PTPN13: variants seen among roughly 807,000 people sequenced by gnomAD.
PTPN13 encodes protein tyrosine phosphatase non-receptor type 13.
Under a neutral mutation model 284.0 loss-of-function variants are expected in PTPN13, and 191 were observed. The ratio of observed to expected loss-of-function variants is 0.67; its 90% CI spans 0.60 to 0.76. The LOEUF is 0.76. Ranked by LOEUF, PTPN13 falls within the 30% of genes least tolerant of loss-of-function variation. The pLI is 0.00. For missense variants in PTPN13, 2,797 were observed against 2,939.9 expected, an observed-to-expected ratio of 0.95 and a Z score of 1.12; for synonymous variants, 986 against 1,022.3, an observed-to-expected ratio of 0.96 and a Z score of 0.68.
At chr4:86,614,115 G>T (rs949650292) in intron 1 of PTPN13, among the ~76,000 whole-genome samples, 1 of 152,004 alleles carries the variant, frequency 6.6e-6, no homozygotes, top group South Asian at 2.1e-4. Context: ...AAATACAATC[G>T]AATTTATTAG....
At chr4:86,745,974 G>T (rs532088487) in intron 17 of PTPN13, among the ~76,000 whole-genome samples, 1 of 152,090 alleles carries the variant, frequency 6.6e-6, no homozygotes, top group African/African-American at 2.4e-5. Context: ...AGGAAACAAG[G>T]CAGAGGATGG....
intron 7 of PTPN13, among the ~76,000 whole-genome samples, chr4:86,713,965 A>G (rs535486715): frequency 1.3e-5 from 2 of 151,958 alleles, no homozygotes; most frequent in Non-Finnish European, 2.9e-5. Context: ...AGGTTTGCAG[A>G]CTAGCAAAAA....
intron 10 of PTPN13, among the ~76,000 whole-genome samples, chr4:86,724,652 G>A (rs1396904216): frequency 6.6e-6 from 1 of 152,134 alleles, no homozygotes; most frequent in African/African-American, 2.4e-5. Context: ...GCTGAAAAGG[G>A]TAATGGGGTT....
At chr4:86,678,766 G>A (rs576155019) in intron 3 of PTPN13, among the ~76,000 whole-genome samples, 19 of 151,980 alleles carry the variant, frequency 1.3e-4, no homozygotes, top group Admixed American at 5.2e-4. Context: ...TAAATCTTAC[G>A]GTTAATTTCT....
chr4:86,684,040 T>C (rs983366570), intron 3 of PTPN13, among the ~76,000 whole-genome samples: 8 of 151,876 alleles, frequency 5.3e-5, no homozygotes, highest in Non-Finnish European at 4.4e-5. Flanking sequence ...AACAGACATG[T>C]ATTGAATATC....
chr4:86,751,710 T>G (rs1737407284), intron 19 of PTPN13, among the ~76,000 whole-genome samples: 1 of 152,160 alleles, frequency 6.6e-6, no homozygotes. Flanking sequence ...GCTTTTCCTT[T>G]CAAGCCGATG....
Position 86,689,189 on chromosome 4 carries a change from G to C in PTPN13, c.545G>C (p.Gly182Ala). ...LVKLVLGNLS[G>A]TDQLSCNSEQ... Reference sequence around the variant, plus strand: ...AAACTGGTTCTGGGAAATCTTTCTGGGGTAAGCTACAGTTACAATAGTAAA... The same window carrying C: ...AAACTGGTTCTGGGAAATCTTTCTGCGGTAAGCTACAGTTACAATAGTAAA... Residue 182 changes from glycine (G) to alanine (A), a missense_variant and splice_region_variant, in exon 5 of 48, where the codon GGG becomes GCG. Coordinates refer to ENST00000411767, the MANE Select transcript of PTPN13 (RefSeq NM_080683.3). The C allele has an allele frequency of 6.2e-7, 1 of 1,609,776 alleles. No homozygotes were observed. Among genetic ancestry groups the C allele is most frequent in the South Asian group, 1.1e-5 (1 of 90,896 alleles).
chr4:86,653,876 G>A (rs985679249), intron 2 of PTPN13, among the ~76,000 whole-genome samples: 2 of 152,144 alleles, frequency 1.3e-5, no homozygotes, highest in African/African-American at 2.4e-5. Context: ...AACATCTGTG[G>A]TGCAGATACG....
chr4:86,800,906 G>C (rs1376352332), intron 42 of PTPN13, among the ~76,000 whole-genome samples: 1 of 152,172 alleles, frequency 6.6e-6, no homozygotes, highest in Non-Finnish European at 1.5e-5. Context: ...AGTAAATTTT[G>C]TATTCCCAGC....
chr4:86,668,630 C>G lies in PTPN13; in HGVS notation c.116-3735C>G, dbSNP rs540875749. Among the ~76,000 whole-genome samples, 12 of 152,086 alleles carry G rather than the reference C, an allele frequency of 7.9e-5. No individual in the cohort carries two copies. The South Asian group carries it at 2.3e-3, about 29-fold the overall frequency. ...TTTTTTCTTGAGACAGAGTCTCACT[C>G]TGTCACCCAGGCTGGAGTGCAGTGG... On this transcript the variant is annotated intron_variant, in intron 2 of 47. Coordinates refer to ENST00000411767, the MANE Select transcript of PTPN13 (RefSeq NM_080683.3).
chr4:86,617,576 TC>T (rs1720708296), intron 1 of PTPN13, among the ~76,000 whole-genome samples: 1 of 152,014 alleles, frequency 6.6e-6, no homozygotes, highest in Non-Finnish European at 1.5e-5. Flanking sequence ...CCCTCCCCCT[TC>T]CCCTTCCAGC....
intron 2 of PTPN13, among the ~76,000 whole-genome samples, chr4:86,648,793 G>T (rs1454795145): frequency 1.3e-5 from 2 of 151,960 alleles, no homozygotes; most frequent in East Asian, 3.9e-4. Context: ...TATTTTTTTT[G>T]AGAAACCTCC....
intron 17 of PTPN13, among the ~76,000 whole-genome samples, chr4:86,749,241 T>C (rs984659330): frequency 3.9e-5 from 6 of 152,142 alleles, no homozygotes; most frequent in African/African-American, 1.2e-4. Context: ...TGATATTTTC[T>C]TTCTTCCTTC....
chr4:86,733,711 T>C (rs2149134109), intron 12 of PTPN13, among the ~76,000 whole-genome samples: 1 of 152,302 alleles, frequency 6.6e-6, no homozygotes, highest in South Asian at 2.1e-4. Context: ...TATCTATTTA[T>C]ACTATACCTA....
At chr4:86,667,892 A>G (rs970722044) in intron 2 of PTPN13, among the ~76,000 whole-genome samples, 4 of 152,148 alleles carry the variant, frequency 2.6e-5, no homozygotes, top group African/African-American at 9.7e-5. Context: ...AGTTAAGATT[A>G]TTTCCCTAAT....
In PTPN13 at chr4:86,630,146, T is replaced by C. The variant is rs181106576; in HGVS notation, c.-5-5106T>C. Among the ~76,000 whole-genome samples the C allele has an allele frequency of 2.7e-3, 407 of 152,240 alleles. 2 individuals carry two copies. Among genetic ancestry groups the C allele is most frequent in the African/African-American group, 9.3e-3 (387 of 41,552 alleles). ...AAAATTTCAAGGGACCCTTTGAGTG[T>C]ATAATCTCATTTTCAAATTTAGTCA... is the stretch of plus-strand genomic sequence containing the variant. On this transcript the variant is annotated intron_variant, in intron 1 of 47. Transcript: ENST00000411767.
rs755656686 is a variant in PTPN13, at chr4:86,774,463, G to C, written c.5440G>C (p.Val1814Leu). 1 of 1,605,490 alleles carries C rather than the reference G, an allele frequency of 6.2e-7. No individual in the cohort carries two copies. The highest frequency in any genetic ancestry group is 8.5e-7 in the Non-Finnish European group (1 of 1,175,752). ...TKGNQRIGCY[V>L]HDVIQDPAKS... is the part of the protein sequence containing the mutation. Reference sequence around the variant, plus strand: ...AGGCAATCAGAGAATTGGTTGTTATGTTCATGATGTCATACAGGATCCAGC... The same window carrying C: ...AGGCAATCAGAGAATTGGTTGTTATCTTCATGATGTCATACAGGATCCAGC... The change falls in exon 33 of 48, where the codon GTT (valine) becomes CTT (leucine). Residue 1814 changes from valine (V) to leucine (L), a missense_variant. Physicochemically the swap from Val to Leu is conservative, Grantham distance 32. Coordinates refer to ENST00000411767, the MANE Select transcript of PTPN13 (RefSeq NM_080683.3).
At chr4:86,780,584 A>G (rs1741191882) in intron 36 of PTPN13, 112 bp downstream of exon 36, 4 of 740,630 alleles carry the variant, frequency 5.4e-6, no homozygotes, top group Non-Finnish European at 9.5e-6. Flanking sequence ...CTTACACCTA[A>G]AATATAATCC....
Position 86,762,918 on chromosome 4 carries a change from T to C in PTPN13, c.3745T>C (p.Ser1249Pro). ...LREGSLSSQDSRTESASLSQS... is the reference protein window; with the variant it reads ...LREGSLSSQDPRTESASLSQS... ...GGAAGGAAGCCTGAGTTCTCAAGAT[T>C]CCAGGACTGAGAGTGCCAGCTTGTC... is the stretch of plus-strand genomic sequence containing the variant. The change falls in exon 24 of 48, where the codon TCC becomes CCC. Residue 1249 changes from serine (S) to proline (P), a missense_variant. Physicochemically the swap from Ser to Pro is moderately conservative, Grantham distance 74. Transcript: ENST00000411767. The C allele has an allele frequency of 6.2e-7, 1 of 1,613,836 alleles. No homozygotes were observed. The highest frequency in any genetic ancestry group is 8.5e-7 in the Non-Finnish European group (1 of 1,179,828).
Sources: allele counts gnomAD v4.1 joint callset (sites outside exome capture counted in the v4.1 genomes callset), GRCh38; gene constraint gnomAD v4.1.1; transcripts MANE v1.5; gene names NCBI Gene and HGNC (gene_info 2026-07-23, HGNC 2026-07-21).